NFILZ: variants seen among roughly 807,000 people sequenced by gnomAD.
NFILZ encodes the protein NFIL3 like protein.
intron 3 of NFILZ, among the ~76,000 whole-genome samples, chr19:8,637,612 CAA>C (rs35527793): frequency 3.6e-4 from 51 of 142,562 alleles, no homozygotes; most frequent in Non-Finnish European, 4.0e-4. Flanking sequence ...GACTCCATCT[CAA>C]AAAAAAAAAA....
chr19:8,675,811 G>A (rs782489921), intron 4 of NFILZ, among the ~76,000 whole-genome samples: 2 of 152,126 alleles, frequency 1.3e-5, no homozygotes, highest in Non-Finnish European at 2.9e-5. Context: ...TGGACCCATG[G>A]ATGAATATAT....
chr19:8,678,157 C>T lies in NFILZ; in HGVS notation c.*522C>T, dbSNP rs2146177674. ...TCCATTCATCCACTTGTCCGTCCAT[C>T]CATCCATCCATCCATCCATCCATCC... On this transcript the variant is annotated 3_prime_UTR_variant, in exon 6 of 6. Transcript: ENST00000691075. Among the ~76,000 whole-genome samples, 13 of 14,924 alleles carry T rather than the reference C, an allele frequency of 8.7e-4. No individual in the cohort carries two copies. The highest frequency in any genetic ancestry group is 1.4e-3 in the Non-Finnish European group (9 of 6,612). The allele number at this position is 14,924 out of a possible 152,430, so 9.8% of individuals were successfully genotyped here. A position where few individuals can be genotyped will look rare whatever the true frequency, so the allele number is the denominator to read the frequency against.
chr19:8,675,075 GT>G (rs1186488557), intron 4 of NFILZ, among the ~76,000 whole-genome samples: 1 of 152,152 alleles, frequency 6.6e-6, no homozygotes, highest in African/African-American at 2.4e-5. Flanking sequence ...TTCAACAAGT[GT>G]TTATTTACCA....
At position 8,679,862 on chromosome 19, in the gene NFILZ, G is replaced by A. The variant is rs1193032433; in HGVS notation, c.*2227G>A. The stretch of plus-strand genomic sequence containing the variant: ...ATAAGAGGCAGTAAATAAATTGCCC[G>A]GTATAGGGGCTTCTCTGGACTGTTT... On this transcript the variant is annotated 3_prime_UTR_variant, in exon 6 of 6. Transcript: ENST00000691075. Among the ~76,000 whole-genome samples the A allele has an allele frequency of 2.0e-5, 3 of 152,178 alleles. No homozygotes were observed. The highest frequency in any genetic ancestry group is 2.1e-4 in the South Asian group (1 of 4,818).
intron 4 of NFILZ, among the ~76,000 whole-genome samples, chr19:8,675,918 C>G (rs1317624097): frequency 6.6e-6 from 1 of 152,012 alleles, no homozygotes; most frequent in African/African-American, 2.4e-5. Context: ...TGGTTGAGAT[C>G]AGCAAATGAA....
rs558384115 is a variant in NFILZ, at chr19:8,633,469, G to C, written c.-261+844G>C. Among the ~76,000 whole-genome samples the C allele has an allele frequency of 5.3e-4, 81 of 152,300 alleles. 1 individual carries two copies. The highest frequency in any genetic ancestry group is 5.9e-5 in the Non-Finnish European group (4 of 68,028). Reference sequence around the variant, plus strand: ...TTGGTGTTATTGGCAGTGAGGTAGGGAAGCTGCGGCTAAGCTGAGGCTGCA... The same window carrying C: ...TTGGTGTTATTGGCAGTGAGGTAGGCAAGCTGCGGCTAAGCTGAGGCTGCA... On this transcript the variant is annotated intron_variant, in intron 2 of 5. Transcript: ENST00000691075.
At chr19:8,660,812 G>A (rs546955897) in intron 3 of NFILZ, among the ~76,000 whole-genome samples, 6 of 151,204 alleles carry the variant, frequency 4.0e-5, no homozygotes, top group Non-Finnish European at 8.9e-5. Flanking sequence ...TAATTTTTTT[G>A]TATTTTTAGT....
chr19:8,655,484 C>A (rs562258979), intron 3 of NFILZ, among the ~76,000 whole-genome samples: 13 of 152,286 alleles, frequency 8.5e-5, no homozygotes, highest in Admixed American at 2.6e-4. Context: ...TGCGGGGACA[C>A]CCCTGGAGGG....
chr19:8,652,989 TTC>T lies in NFILZ; in HGVS notation c.-164+17244_-164+17245del, dbSNP rs2042972856. On this transcript the variant is annotated intron_variant, in intron 3 of 5. Coordinates refer to ENST00000691075, the MANE Select transcript of NFILZ (RefSeq NM_001378600.1). ...CTTCCCTCCTTCCTTCCTTCCTTCC[TTC>T]CTTCCTTCCTTCCTTCCTTCCTTTC... is the stretch of plus-strand genomic sequence containing the variant. 2.1e-3 allele frequency among the ~76,000 whole-genome samples: 64 copies of T among 30,164 alleles called. No individual in the cohort carries two copies. The East Asian group carries it at 0.024, about 11-fold the overall frequency. The allele number at this position is 30,164 out of a possible 152,430, so 19.8% of individuals were successfully genotyped here. A position where few individuals can be genotyped will look rare whatever the true frequency, so the allele number is the denominator to read the frequency against.
At chr19:8,633,495 C>T (rs1276028773) in intron 2 of NFILZ, among the ~76,000 whole-genome samples, 1 of 152,166 alleles carries the variant, frequency 6.6e-6, no homozygotes, top group Non-Finnish European at 1.5e-5. Flanking sequence ...TGAGGCTGCA[C>T]AGGGAAGGTG....
At chr19:8,664,511 G>A (rs542751987) in intron 3 of NFILZ, among the ~76,000 whole-genome samples, 2 of 152,306 alleles carry the variant, frequency 1.3e-5, no homozygotes, top group African/African-American at 4.8e-5. Flanking sequence ...ACGGCTCCCA[G>A]GGTGCCTTGC....
chr19:8,654,187 G>A (rs1243502487), intron 3 of NFILZ, among the ~76,000 whole-genome samples: 5 of 151,990 alleles, frequency 3.3e-5, no homozygotes, highest in African/African-American at 7.3e-5. Context: ...AGCTGAGGTC[G>A]TCTCATTGCA....
At chr19:8,665,300 G>A (rs1555749658) in intron 3 of NFILZ, among the ~76,000 whole-genome samples, 1 of 152,212 alleles carries the variant, frequency 6.6e-6, no homozygotes. Context: ...GCTTCAGGCA[G>A]AAGAAACATT....
intron 3 of NFILZ, among the ~76,000 whole-genome samples, chr19:8,652,879 C>T (rs2146148460): frequency 7.0e-6 from 1 of 142,456 alleles, no homozygotes; most frequent in African/African-American, 2.6e-5. Context: ...CTTTCTTCCC[C>T]CTCCTTCCTT....
intron 3 of NFILZ, among the ~76,000 whole-genome samples, chr19:8,648,140 C>G (rs1483492490): frequency 1.5e-5 from 2 of 132,200 alleles, no homozygotes; most frequent in African/African-American, 2.9e-5. Flanking sequence ...AGCCACTGTA[C>G]TCCAACCTGG....
chr19:8,650,211 G>A (rs922015083), intron 3 of NFILZ, among the ~76,000 whole-genome samples: 1 of 151,722 alleles, frequency 6.6e-6, no homozygotes, highest in South Asian at 2.1e-4. Flanking sequence ...TTTTGAAATA[G>A]TTTAAGACTT....
chr19:8,676,031 T>A (rs782207337), intron 4 of NFILZ, among the ~76,000 whole-genome samples: 19 of 152,054 alleles, frequency 1.2e-4, no homozygotes, highest in Non-Finnish European at 2.6e-4. Flanking sequence ...AGTGAGTAAG[T>A]GGTAGATGTG....
At position 8,652,836 on chromosome 19, in the gene NFILZ, CTCTT is replaced by C. The variant is rs1393965945; in HGVS notation, c.-164+17101_-164+17104del. The stretch of plus-strand genomic sequence containing the variant: ...CTCTCTCTCTCTTCTTTCTCACTTT[CTCTT>C]TCTTTCTTTCCTTTTCTTTCTTTTC... On this transcript the variant is annotated intron_variant, in intron 3 of 5. Transcript: ENST00000691075. 3.5e-5 allele frequency among the ~76,000 whole-genome samples: 5 copies of C among 144,704 alleles called. No homozygotes were observed. The South Asian group carries it at 6.6e-4, about 19-fold the overall frequency. 94.9% of individuals were successfully genotyped at this position (144,704 alleles called of 152,430 possible).
rs560507542 is a variant in NFILZ, at chr19:8,655,020, C to T, written c.-164+19274C>T. 2.0e-5 allele frequency among the ~76,000 whole-genome samples: 3 copies of T among 152,342 alleles called. No homozygotes were observed. In the East Asian group the frequency reaches 5.8e-4, roughly 29 times the overall value. On this transcript the variant is annotated intron_variant, in intron 3 of 5. Transcript: ENST00000691075. Reference sequence around the variant, plus strand: ...TCTTACCTCTGGGCCTTTGCTGCTCCTTCTGCCTGGGATGCCCTTTCATTA... The same window carrying T: ...TCTTACCTCTGGGCCTTTGCTGCTCTTTCTGCCTGGGATGCCCTTTCATTA...
Sources: gnomAD v4.1 joint callset for allele counts (sites outside exome capture counted in the v4.1 genomes callset) on GRCh38, gnomAD v4.1.1 for gene constraint, MANE v1.5 for transcripts, NCBI Gene and HGNC (gene_info 2026-07-23, HGNC 2026-07-21) for gene names.